The following LRMDA variants were observed in gnomAD, a reference collection of about 807,000 sequenced individuals.
The protein encoded by LRMDA is leucine-rich melanocyte differentiation-associated protein.
In LRMDA, 18 loss-of-function variants were observed where a neutral mutation model predicts 29.8. The observed-to-expected ratio is 0.60, with a 90% CI of 0.42 to 0.90. The LOEUF (loss-of-function observed/expected upper bound fraction) is 0.90, where lower values mean the gene tolerates loss of function less well. Ranked by LOEUF, LRMDA falls within the 40% of genes least tolerant of loss-of-function variation. The probability of loss-of-function intolerance (pLI) is 0.00; values close to 1 mark genes in which losing one functional copy is unlikely to be tolerated. For missense variants in LRMDA, 273 were observed against 273.9 expected (o/e 1.00, Z 0.02); for synonymous variants, 125 against 109.4 (o/e 1.14, Z -0.89).
chr10:76,406,522 C>T (rs1384024096), intron 6 of LRMDA, among the ~76,000 whole-genome samples: 1 of 152,172 alleles, frequency 6.6e-6, no homozygotes, highest in Non-Finnish European at 1.5e-5. Context: ...ATGTTCCAGC[C>T]TCTCATGGTC....
chr10:76,375,584 G>A (rs1030404824), intron 6 of LRMDA, among the ~76,000 whole-genome samples: 19 of 152,256 alleles, frequency 1.2e-4, no homozygotes, highest in African/African-American at 4.6e-4. Flanking sequence ...CAGTGGATCT[G>A]ACTGACAAAC....
intron 2 of LRMDA, among the ~76,000 whole-genome samples, chr10:75,681,869 C>A (rs1287450639): frequency 4.6e-5 from 7 of 152,178 alleles, no homozygotes; most frequent in Non-Finnish European, 8.8e-5. Flanking sequence ...AAGCCAATTT[C>A]TTGACCTAAA....
intron 2 of LRMDA, among the ~76,000 whole-genome samples, chr10:75,791,136 G>A (rs1843558111): frequency 6.6e-6 from 1 of 152,132 alleles, no homozygotes; most frequent in Non-Finnish European, 1.5e-5. Flanking sequence ...GAGTTTTTGG[G>A]TATACAGCTA....
intron 5 of LRMDA, among the ~76,000 whole-genome samples, chr10:76,322,665 A>C (rs1328044776): frequency 2.6e-5 from 4 of 152,228 alleles, no homozygotes; most frequent in Non-Finnish European, 5.9e-5. Flanking sequence ...TCAAATTGTC[A>C]ACAGCCCAAA....
intron 2 of LRMDA, among the ~76,000 whole-genome samples, chr10:75,876,690 C>G (rs990099833): frequency 6.6e-6 from 1 of 152,120 alleles, no homozygotes; most frequent in Non-Finnish European, 1.5e-5. Flanking sequence ...GAAGTTCTCC[C>G]TTGGTTCTGA....
intron 2 of LRMDA, among the ~76,000 whole-genome samples, chr10:75,483,181 A>G (rs1283257750): frequency 6.6e-6 from 1 of 152,162 alleles, no homozygotes; most frequent in Admixed American, 6.5e-5. Context: ...TCCTGAGCTC[A>G]GGCAATCCAC....
intron 2 of LRMDA, among the ~76,000 whole-genome samples, chr10:76,013,187 G>A (rs1467830529): frequency 2.0e-5 from 3 of 152,098 alleles, no homozygotes; most frequent in Non-Finnish European, 2.9e-5. Flanking sequence ...GAGTGAGGGG[G>A]GTGGTAATGG....
Position 76,253,495 on chromosome 10 carries a change from G to A in LRMDA, c.517-70906G>A, listed in dbSNP as rs918999612. ...GAAGGCAGGGAGGGAGAGAGAGAGAGAGAAAGGGAGTGGAGAAGAGAGGGG... is the reference window on the plus strand; with the variant it reads ...GAAGGCAGGGAGGGAGAGAGAGAGAAAGAAAGGGAGTGGAGAAGAGAGGGG... On this transcript the variant is annotated intron_variant, in intron 5 of 6. Transcript: ENST00000611255. Among the ~76,000 whole-genome samples, 5 of 151,498 alleles carry A rather than the reference G, an allele frequency of 3.3e-5. 1 individual carries two copies. Among genetic ancestry groups the A allele is most frequent in the Non-Finnish European group, 5.9e-5 (4 of 68,008 alleles).
At chr10:76,136,590 A>G (rs2132143956) in intron 5 of LRMDA, among the ~76,000 whole-genome samples, 1 of 126,692 alleles carries the variant, frequency 7.9e-6, no homozygotes, top group East Asian at 2.2e-4. Flanking sequence ...ACATATTTAC[A>G]TACAAGTGAA....
At chr10:75,519,518 T>A (rs994665650) in intron 2 of LRMDA, among the ~76,000 whole-genome samples, 6 of 152,202 alleles carry the variant, frequency 3.9e-5, no homozygotes, top group Admixed American at 2.0e-4. Flanking sequence ...CTTTTTTTTG[T>A]TTTCCATTTG....
chr10:76,539,883 T>G (rs971146048), intron 6 of LRMDA, among the ~76,000 whole-genome samples: 2 of 152,062 alleles, frequency 1.3e-5, no homozygotes, highest in African/African-American at 4.8e-5. Flanking sequence ...CATTAAAAAT[T>G]ATGTCAGATA....
chr10:76,554,629 C>T (rs981601782), intron 6 of LRMDA, among the ~76,000 whole-genome samples: 1 of 152,126 alleles, frequency 6.6e-6, no homozygotes, highest in Non-Finnish European at 1.5e-5. Context: ...ACAGGGTAGG[C>T]CTTAAAAAGG....
chr10:75,474,667 A>G (rs1844767162), intron 2 of LRMDA, among the ~76,000 whole-genome samples: 1 of 152,188 alleles, frequency 6.6e-6, no homozygotes, highest in South Asian at 2.1e-4. Flanking sequence ...AGTTTGCTTT[A>G]TATCTGGGAG....
At chr10:75,730,680 A>G (rs1842686066) in intron 2 of LRMDA, among the ~76,000 whole-genome samples, 1 of 151,876 alleles carries the variant, frequency 6.6e-6, no homozygotes, top group South Asian at 2.1e-4. Context: ...TGTTCCCCAC[A>G]CCCTGGGCTT....
chr10:75,851,577 C>T lies in LRMDA; in HGVS notation c.132-184431C>T, dbSNP rs563707327. 9.8e-5 allele frequency among the ~76,000 whole-genome samples: 15 copies of T among 152,296 alleles called. No homozygotes were observed. In the South Asian group the frequency reaches 3.1e-3, roughly 32 times the overall value. On this transcript the variant is annotated intron_variant, in intron 2 of 6. Transcript: ENST00000611255. Reference sequence around the variant, plus strand: ...ACTTGTTCTGAAGATAAATTAGCGACTTCTAAATAATGCAGTGAACCCTAA... The same window carrying T: ...ACTTGTTCTGAAGATAAATTAGCGATTTCTAAATAATGCAGTGAACCCTAA...
chr10:76,176,639 C>T (rs1850941716), intron 5 of LRMDA, among the ~76,000 whole-genome samples: 1 of 152,050 alleles, frequency 6.6e-6, no homozygotes, highest in Non-Finnish European at 1.5e-5. Context: ...ACTAAAAATA[C>T]AAAATTAGCC....
intron 6 of LRMDA, among the ~76,000 whole-genome samples, chr10:76,515,751 G>T (rs1218567605): frequency 6.6e-6 from 1 of 152,054 alleles, no homozygotes; most frequent in Admixed American, 6.6e-5. Context: ...GCAATCTGCC[G>T]CCTCGGCCTC....
intron 5 of LRMDA, among the ~76,000 whole-genome samples, chr10:76,114,421 C>A (rs1030148372): frequency 6.6e-6 from 1 of 152,136 alleles, no homozygotes; most frequent in Admixed American, 6.5e-5. Flanking sequence ...CATAGAACTA[C>A]CCCACCTTCC....
At chr10:76,547,636 ACGGGGTGG>A (rs1298842774) in intron 6 of LRMDA, among the ~76,000 whole-genome samples, 1 of 152,032 alleles carries the variant, frequency 6.6e-6, no homozygotes, top group Non-Finnish European at 1.5e-5. Context: ...GGAGGTGGTG[ACGGGGTGG>A]CTTTTTCCTT....
Sources: gnomAD v4.1 joint callset for allele counts (sites outside exome capture counted in the v4.1 genomes callset) on GRCh38, gnomAD v4.1.1 for gene constraint, MANE v1.5 for transcripts, NCBI Gene and HGNC (gene_info 2026-07-23, HGNC 2026-07-21) for gene names.